Variants in NALCN observed in about 807,000 individuals in gnomAD.
NALCN encodes the protein sodium leak channel, non-selective.
Under a neutral mutation model 225.3 loss-of-function variants are expected in NALCN, and 111 were observed. That is an observed-to-expected ratio of 0.49 (90% CI 0.42 to 0.58). The LOEUF is 0.58. Ranked by LOEUF, NALCN falls within the 20% of genes least tolerant of loss-of-function variation. NALCN has a pLI of 0.00. For synonymous variants in NALCN, 764 were observed against 769.0 expected, an observed-to-expected ratio of 0.99 and a Z score of 0.11; for missense variants, 1,378 against 2,202.4, an observed-to-expected ratio of 0.63 and a Z score of 7.49.
intron 4 of NALCN, among the ~76,000 whole-genome samples, chr13:101,377,840 C>G (rs2046737821): frequency 6.6e-6 from 1 of 151,698 alleles, no homozygotes. Context: ...CAGATCAAAT[C>G]AAATCAATAG....
intron 17 of NALCN, among the ~76,000 whole-genome samples, chr13:101,130,153 CT>C (rs535527138): frequency 3.9e-5 from 6 of 152,026 alleles, no homozygotes; most frequent in African/African-American, 1.2e-4. Context: ...TCTATATCTC[CT>C]TTTTTCTCCA....
In NALCN at chr13:101,054,790, A is replaced by T. The variant is rs1172535072; in HGVS notation, c.*505T>A. On this transcript the variant is annotated 3_prime_UTR_variant, in exon 44 of 44. Coordinates refer to ENST00000251127, the MANE Select transcript of NALCN (RefSeq NM_052867.4). ...AAATTCAGAATCTGTAGTTTGTAAA[A>T]CTACTATCATTTTAGCATAAGTTCA... The T allele has an allele frequency of 6.6e-6, 1 of 152,404 alleles. No homozygotes were observed. Among genetic ancestry groups the T allele is most frequent in the East Asian group, 1.9e-4 (1 of 5,202 alleles). 9.4% of individuals were successfully genotyped at this position (152,404 alleles called of 1,614,324 possible).
intron 28 of NALCN, 152 bp from the exon 29 acceptor site, chr13:101,090,118 A>G (rs2034149230): frequency 4.4e-6 from 5 of 1,135,574 alleles, no homozygotes; most frequent in Non-Finnish European, 5.0e-6. Context: ...GCGTGCACAC[A>G]CACATACATA....
At chr13:101,216,293 A>C (rs192748945) in intron 13 of NALCN, among the ~76,000 whole-genome samples, 25 of 152,252 alleles carry the variant, frequency 1.6e-4, no homozygotes, top group African/African-American at 5.5e-4. Flanking sequence ...CATATAAGGC[A>C]AGTTTAAATT....
At chr13:101,257,396 G>C (rs1290259864) in intron 11 of NALCN, among the ~76,000 whole-genome samples, 1 of 152,090 alleles carries the variant, frequency 6.6e-6, no homozygotes. Flanking sequence ...TATCCACGTA[G>C]ATGTCTATGC....
chr13:101,345,617 A>G (rs1044323803), intron 6 of NALCN, among the ~76,000 whole-genome samples, 197 bp from the exon 7 acceptor site: 18 of 151,138 alleles, frequency 1.2e-4, no homozygotes, highest in Middle Eastern at 3.4e-3. Context: ...GTGAACTATG[A>G]TCATGCCACT....
intron 7 of NALCN, among the ~76,000 whole-genome samples, chr13:101,340,749 A>G (rs1256199033): frequency 6.6e-6 from 1 of 152,164 alleles, no homozygotes; most frequent in Non-Finnish European, 1.5e-5. Flanking sequence ...GCCCCTAATA[A>G]TTTTAAACAT....
At chr13:101,064,057 C>G (rs2032173106) in intron 40 of NALCN, among the ~76,000 whole-genome samples, 1 of 152,146 alleles carries the variant, frequency 6.6e-6, no homozygotes, top group South Asian at 2.1e-4. Flanking sequence ...CTTTATTATT[C>G]CATTAAATAA....
intron 15 of NALCN, among the ~76,000 whole-genome samples, chr13:101,154,980 T>A (rs1375560850): frequency 6.6e-6 from 1 of 152,180 alleles, no homozygotes; most frequent in Non-Finnish European, 1.5e-5. Context: ...TAATAAAGTA[T>A]AAACTTGATA....
At chr13:101,278,998 C>T (rs1283408395) in intron 10 of NALCN, among the ~76,000 whole-genome samples, 2 of 152,124 alleles carry the variant, frequency 1.3e-5, no homozygotes, top group African/African-American at 2.4e-5. Context: ...GGACTGTTCT[C>T]GGTTAATAAA....
intron 7 of NALCN, among the ~76,000 whole-genome samples, chr13:101,328,338 A>T (rs2045037099): frequency 6.6e-6 from 1 of 152,070 alleles, no homozygotes; most frequent in African/African-American, 2.4e-5. Flanking sequence ...TTGAGACAGT[A>T]TCTCGTTCTA....
intron 10 of NALCN, among the ~76,000 whole-genome samples, chr13:101,282,520 G>A (rs1168258754): frequency 6.6e-6 from 1 of 152,114 alleles, no homozygotes; most frequent in African/African-American, 2.4e-5. Context: ...GGTAGAAATG[G>A]GGAGATATTA....
intron 10 of NALCN, among the ~76,000 whole-genome samples, chr13:101,279,836 A>AAAATAAATAAATAAAT (rs71121179): frequency 1.3e-4 from 17 of 134,032 alleles, no homozygotes; most frequent in East Asian, 8.5e-4. Flanking sequence ...ATAAATAAAT[A>AAAATAAATAAATAAAT]AAATAAATAA....
At chr13:101,181,711 T>C (rs947317485) in intron 14 of NALCN, among the ~76,000 whole-genome samples, 3 of 151,842 alleles carry the variant, frequency 2.0e-5, no homozygotes, top group African/African-American at 7.3e-5. Flanking sequence ...CACTGCACTC[T>C]AGGCCTGGAT....
intron 9 of NALCN, among the ~76,000 whole-genome samples, chr13:101,289,733 T>C (rs1249558159): frequency 6.6e-6 from 1 of 152,208 alleles, no homozygotes; most frequent in South Asian, 2.1e-4. Context: ...GTGTGCATTA[T>C]AATAATCATC....
chr13:101,209,488 C>T (rs2040443681), intron 13 of NALCN, among the ~76,000 whole-genome samples: 1 of 152,004 alleles, frequency 6.6e-6, no homozygotes. Context: ...TTTTTTGTTT[C>T]CATCTTAATT....
chr13:101,069,227 T>G (rs2139445033), intron 37 of NALCN, among the ~76,000 whole-genome samples: 1 of 152,366 alleles, frequency 6.6e-6, no homozygotes, highest in Admixed American at 6.5e-5. Flanking sequence ...GAATATAGAC[T>G]CTACAGGTAT....
chr13:101,297,562 C>A (rs1290105126), intron 7 of NALCN, among the ~76,000 whole-genome samples: 1 of 152,218 alleles, frequency 6.6e-6, no homozygotes, highest in Non-Finnish European at 1.5e-5. Flanking sequence ...TGCTAGAGCC[C>A]ATTCACTGGA....
In NALCN at chr13:101,351,337, GT is replaced by G. The variant is rs554498604; in HGVS notation, c.645-5918del. Among the ~76,000 whole-genome samples, 294 of 152,128 alleles carry G rather than the reference GT, an allele frequency of 1.9e-3. 1 individual carries two copies. Among genetic ancestry groups the G allele is most frequent in the Non-Finnish European group, 3.4e-3 (230 of 67,986 alleles). ...CTAGAATCCCTGGGAGCAGCTAATT[GT>G]TTTTTTAAAAGCCTTCAATTATCCT... On this transcript the variant is annotated intron_variant, in intron 6 of 43. Coordinates refer to ENST00000251127, the MANE Select transcript of NALCN (RefSeq NM_052867.4).
Sources: gnomAD v4.1 joint callset for allele counts (sites outside exome capture counted in the v4.1 genomes callset) on GRCh38, gnomAD v4.1.1 for gene constraint, MANE v1.5 for transcripts, NCBI Gene and HGNC (gene_info 2026-07-23, HGNC 2026-07-21) for gene names.